The following YAF2 variants were observed in gnomAD, a reference collection of about 807,000 sequenced individuals.
YAF2 encodes YY1-associated factor 2.
In YAF2, 7 loss-of-function variants were observed where a neutral mutation model predicts 20.1. The ratio of observed to expected loss-of-function variants is 0.35; its 90% CI spans 0.20 to 0.65. The LOEUF is 0.65. YAF2 is among the 30% of genes least tolerant of loss of function. YAF2 has a pLI of 0.69. For synonymous variants in YAF2, 74 were observed against 76.0 expected (o/e 0.97, Z 0.14); for missense variants, 151 against 219.2 (o/e 0.69, Z 1.96).
At chr12:42,232,591 G>A (rs1018243332) in intron 2 of YAF2, 58 of 985,290 alleles carry the variant, frequency 5.9e-5, no homozygotes, top group Non-Finnish European at 6.7e-5. Flanking sequence ...GACAGGAGGC[G>A]GCTCAGGAAC....
chr12:42,203,199 T>G (rs1353709681), intron 2 of YAF2, among the ~76,000 whole-genome samples: 1 of 152,186 alleles, frequency 6.6e-6, no homozygotes, highest in Non-Finnish European at 1.5e-5. Context: ...CTGCCTTTTA[T>G]TCATGTCTAA....
At chr12:42,180,224 T>G (rs2066308071) in intron 2 of YAF2, among the ~76,000 whole-genome samples, 1 of 152,184 alleles carries the variant, frequency 6.6e-6, no homozygotes, top group Non-Finnish European at 1.5e-5. Context: ...AAAAACCGAT[T>G]GGATGTCATT....
At chr12:42,174,311 C>A in intron 2 of YAF2, among the ~76,000 whole-genome samples, 1 of 152,158 alleles carries the variant, frequency 6.6e-6, no homozygotes, top group East Asian at 1.9e-4. Flanking sequence ...TACCAACAGT[C>A]AACTGTAGTC....
intron 2 of YAF2, chr12:42,172,137 T>C (rs2066067266): frequency 1.3e-5 from 2 of 152,200 alleles, no homozygotes; most frequent in South Asian, 4.1e-4. Context: ...GTTAAGTACT[T>C]ACAAATGACA....
chr12:42,233,402 T>C (rs2068040588), intron 2 of YAF2: 1 of 984,018 alleles, frequency 1.0e-6, no homozygotes, highest in Non-Finnish European at 1.2e-6. Flanking sequence ...AACTGTCCAC[T>C]ACTAGATGAA....
At chr12:42,176,417 A>G (rs2066195111) in intron 2 of YAF2, among the ~76,000 whole-genome samples, 1 of 152,010 alleles carries the variant, frequency 6.6e-6, no homozygotes, top group Admixed American at 6.6e-5. Flanking sequence ...AACCATGCCC[A>G]ACCAACAATA....
chr12:42,214,824 C>T (rs6582385), intron 2 of YAF2, among the ~76,000 whole-genome samples: 105,578 of 151,356 alleles, frequency 0.7, 37,882 homozygotes, highest in African/African-American at 0.86. Flanking sequence ...GCCAACACGG[C>T]GAAACCCCTT....
Position 42,208,111 on chromosome 12 carries a change from A to T in YAF2, c.152+29488T>A, listed in dbSNP as rs185968985. 1.4e-4 allele frequency among the ~76,000 whole-genome samples: 21 copies of T among 152,272 alleles called. No individual in the cohort carries two copies. In the East Asian group the frequency reaches 4.1e-3, roughly 29 times the overall value. ...TAAAAAATAAAATAATAAATTTTTT[A>T]AAAAGAGCTGTATATTTTTAAAAAA... On this transcript the variant is annotated intron_variant, in intron 2 of 3. Coordinates refer to ENST00000534854, the MANE Select transcript of YAF2 (RefSeq NM_005748.6).
intron 2 of YAF2, among the ~76,000 whole-genome samples, chr12:42,213,161 C>G (rs1217589678): frequency 6.6e-6 from 1 of 152,204 alleles, no homozygotes; most frequent in Non-Finnish European, 1.5e-5. Context: ...GGCAAACAAG[C>G]TGTTATGTTC....
chr12:42,223,621 A>G (rs995502467), intron 2 of YAF2, among the ~76,000 whole-genome samples: 11 of 152,034 alleles, frequency 7.2e-5, no homozygotes, highest in African/African-American at 2.7e-4. Flanking sequence ...TCAGCCTGTA[A>G]AAGTGCTGGG....
At chr12:42,161,320 G>T (rs2065795290) in intron 3 of YAF2, 1 of 277,814 alleles carries the variant, frequency 3.6e-6, no homozygotes, top group East Asian at 9.8e-5. Context: ...AACCACTCCT[G>T]GTTCAAATAG....
At chr12:42,165,920 C>T (rs907807142) in intron 2 of YAF2, among the ~76,000 whole-genome samples, 1 of 150,070 alleles carries the variant, frequency 6.7e-6, no homozygotes, top group African/African-American at 2.5e-5. Context: ...ATATCTATAT[C>T]TATCTATCTA....
At chr12:42,202,314 T>C (rs1270736316) in intron 2 of YAF2, among the ~76,000 whole-genome samples, 1 of 152,210 alleles carries the variant, frequency 6.6e-6, no homozygotes, top group Non-Finnish European at 1.5e-5. Flanking sequence ...AAATACTGAA[T>C]GTACAGCTTG....
At chr12:42,201,094 T>G (rs1320467703) in intron 2 of YAF2, among the ~76,000 whole-genome samples, 1 of 152,240 alleles carries the variant, frequency 6.6e-6, no homozygotes, top group Non-Finnish European at 1.5e-5. Flanking sequence ...AATATAGATG[T>G]AGGTAATTCT....
At chr12:42,211,335 G>A (rs1371518286) in intron 2 of YAF2, among the ~76,000 whole-genome samples, 2 of 148,496 alleles carry the variant, frequency 1.3e-5, no homozygotes, top group Non-Finnish European at 3.0e-5. Context: ...GCTGAGGCAC[G>A]AGAACTGCTT....
chr12:42,188,871 TC>T lies in YAF2; in HGVS notation c.153-27107del, dbSNP rs557254780. 2.1e-3 allele frequency among the ~76,000 whole-genome samples: 324 copies of T among 152,296 alleles called. 1 individual carries two copies. Among genetic ancestry groups the T allele is most frequent in the Non-Finnish European group, 3.5e-3 (238 of 68,028 alleles). On this transcript the variant is annotated intron_variant, in intron 2 of 3. Coordinates refer to ENST00000534854, the MANE Select transcript of YAF2 (RefSeq NM_005748.6). ...AGACTAAAAGATGAAGATAGATGGT[TC>T]TTATCTCATCATGGAGTCTCAATTT... is the stretch of plus-strand genomic sequence containing the variant.
intron 2 of YAF2, among the ~76,000 whole-genome samples, chr12:42,225,879 A>G (rs893032778): frequency 6.6e-5 from 10 of 152,034 alleles, no homozygotes; most frequent in African/African-American, 2.4e-4. Flanking sequence ...TTGGTTCCAC[A>G]TGAAATTTAA....
Sources: gnomAD v4.1 joint callset for allele counts (sites outside exome capture counted in the v4.1 genomes callset) on GRCh38, gnomAD v4.1.1 for gene constraint, MANE v1.5 for transcripts, NCBI Gene and HGNC (gene_info 2026-07-23, HGNC 2026-07-21) for gene names.